F5: variants seen among roughly 807,000 people sequenced by gnomAD.
The protein encoded by F5 is activated protein c cofactor.
F5 carries 138 observed loss-of-function variants against 216.4 expected under a neutral mutation model. The observed-to-expected ratio is 0.64, with a 90% CI of 0.56 to 0.73. The LOEUF (loss-of-function observed/expected upper bound fraction) is 0.73. Ranked by LOEUF, F5 falls within the 30% of genes least tolerant of loss-of-function variation. The pLI, the probability that F5 is intolerant of heterozygous loss-of-function variation, is 0.00. For synonymous variants in F5, 916 were observed against 930.7 expected, an observed-to-expected ratio of 0.98 and a Z score of 0.29; for missense variants, 2,403 against 2,674.0, an observed-to-expected ratio of 0.90 and a Z score of 2.24.
chr1:169,523,704 C>T (rs1659363676), intron 20 of F5, 97 bp downstream of exon 20: 1 of 1,132,430 alleles, frequency 8.8e-7, no homozygotes, highest in Admixed American at 1.7e-5. Flanking sequence ...GCTATTTCCC[C>T]TAACAACATT....
At chr1:169,536,457 T>C in intron 14 of F5, 49 bp downstream of exon 14, 1 of 1,532,390 alleles carries the variant, frequency 6.5e-7, no homozygotes, top group Non-Finnish European at 9.0e-7. Flanking sequence ...AACCCTCTGG[T>C]GCTTGTGGAA....
chr1:169,518,684 C>A (rs1659218950), intron 22 of F5, 121 bp from the exon 23 acceptor site: 1 of 1,107,246 alleles, frequency 9.0e-7, no homozygotes, highest in Non-Finnish European at 1.3e-6. Flanking sequence ...ATAACCACAA[C>A]AATGAAGATT....
intron 19 of F5, 60 bp from the exon 20 acceptor site, chr1:169,523,964 A>C: frequency 3.6e-5 from 50 of 1,407,574 alleles, no homozygotes; most frequent in Non-Finnish European, 4.5e-5. Flanking sequence ...GCAATTTCTC[A>C]AGTGAGTTTA....
At chr1:169,579,164 C>A (rs1660933064) in intron 2 of F5, among the ~76,000 whole-genome samples, 1 of 151,994 alleles carries the variant, frequency 6.6e-6, no homozygotes, top group East Asian at 1.9e-4. Flanking sequence ...CAACACCCTG[C>A]CATCTGGTCT....
intron 19 of F5, 67 bp from the exon 20 acceptor site, chr1:169,523,971 T>C: frequency 1.5e-6 from 2 of 1,358,490 alleles, no homozygotes; most frequent in African/African-American, 1.4e-5. Context: ...CTCAAGTGAG[T>C]TTAATCCAGT....
intron 3 of F5, among the ~76,000 whole-genome samples, chr1:169,566,928 T>G (rs1378700376): frequency 1.3e-5 from 2 of 152,052 alleles, no homozygotes; most frequent in Non-Finnish European, 2.9e-5. Context: ...TTAAGTGTGC[T>G]TGAGTTCTGG....
intron 7 of F5, among the ~76,000 whole-genome samples, chr1:169,553,593 G>A (rs1032595970): frequency 3.3e-5 from 5 of 152,160 alleles, no homozygotes; most frequent in Non-Finnish European, 5.9e-5. Flanking sequence ...GTGTTGGCGG[G>A]CCCCTGTAGT....
At chr1:169,586,129 TAAA>T (rs372224504) in intron 1 of F5, 97 bp downstream of exon 1, 329 of 1,246,376 alleles carry the variant, frequency 2.6e-4, no homozygotes, top group Non-Finnish European at 3.2e-4. Flanking sequence ...TACCTGAAGT[TAAA>T]AAAAAAAAAA....
chr1:169,533,249 C>A (rs1366985661), intron 14 of F5, among the ~76,000 whole-genome samples: 1 of 152,092 alleles, frequency 6.6e-6, no homozygotes, highest in Non-Finnish European at 1.5e-5. Flanking sequence ...TCATCATATA[C>A]AAAAATTAAC....
intron 15 of F5, among the ~76,000 whole-genome samples, chr1:169,530,072 T>C (rs1163624126): frequency 6.6e-6 from 1 of 152,178 alleles, no homozygotes; most frequent in Non-Finnish European, 1.5e-5. Context: ...GGGATACTAT[T>C]TATTGAGAAT....
chr1:169,527,809 T>C, intron 17 of F5, 106 bp downstream of exon 17: 1 of 1,421,950 alleles, frequency 7.0e-7, no homozygotes, highest in Non-Finnish European at 9.7e-7. Flanking sequence ...CCCTGTGTTC[T>C]GACCCCTTAG....
At chr1:169,581,031 A>G (rs996271399) in intron 2 of F5, among the ~76,000 whole-genome samples, 1 of 152,178 alleles carries the variant, frequency 6.6e-6, no homozygotes, top group Non-Finnish European at 1.5e-5. Context: ...GGGGGTGTCA[A>G]TGTAGCTTCA....
chr1:169,582,729 G>C (rs1181291000), intron 1 of F5, among the ~76,000 whole-genome samples: 1 of 152,118 alleles, frequency 6.6e-6, no homozygotes, highest in Non-Finnish European at 1.5e-5. Context: ...ATCCTGTTGT[G>C]ATAACTATTT....
At chr1:169,529,991 T>G (rs1659554723) in intron 15 of F5, among the ~76,000 whole-genome samples, 173 bp from the exon 16 acceptor site, 1 of 152,156 alleles carries the variant, frequency 6.6e-6, no homozygotes, top group Non-Finnish European at 1.5e-5. Context: ...TCTGTTGTAT[T>G]CATAATCCTC....
At chr1:169,517,026 A>G (rs1021507371) in intron 23 of F5, among the ~76,000 whole-genome samples, 6 of 152,188 alleles carry the variant, frequency 3.9e-5, no homozygotes, top group African/African-American at 4.8e-5. Context: ...GAATTGGATA[A>G]CATCTCTTTA....
chr1:169,563,861 C>G (rs1416555345), intron 3 of F5, among the ~76,000 whole-genome samples: 2 of 148,660 alleles, frequency 1.3e-5, no homozygotes, highest in African/African-American at 4.9e-5. Context: ...TTCTCTCTTT[C>G]ACTTCTCAAT....
chr1:169,542,835 T>C lies in F5; in HGVS notation c.2255A>G (p.Asn752Ser). The change falls in exon 13 of 25, where the codon AAT (asparagine) becomes AGT (serine). Residue 752 changes from asparagine (N) to serine (S), a missense_variant. Physicochemically the swap from Asn to Ser is conservative, Grantham distance 46. Transcript: ENST00000367797. Reference sequence around the variant, plus strand: ...ATTCTCCAGAGCTAGGGCAGTAAGATTGAACTCTTCTTCTTCCTGATTCAA... The same window carrying C: ...ATTCTCCAGAGCTAGGGCAGTAAGACTGAACTCTTCTTCTTCCTGATTCAA... ...SSLNQEEEEF[N>S]LTALALENGT... The C allele has an allele frequency of 6.8e-6, 11 of 1,614,164 alleles. No individual in the cohort carries two copies. The highest frequency in any genetic ancestry group is 9.3e-6 in the Non-Finnish European group (11 of 1,180,002).
In F5 at chr1:169,552,737, T is replaced by A. The variant is rs759823164; in HGVS notation, c.1119-3A>T. 16 of 1,604,352 alleles carry A rather than the reference T, an allele frequency of 1.0e-5. No homozygotes were observed. Among genetic ancestry groups the A allele is most frequent in the Non-Finnish European group, 1.4e-5 (16 of 1,173,126 alleles). On this transcript the variant is annotated splice_region_variant and splice_polypyrimidine_tract_variant and intron_variant, in intron 7 of 24. Transcript: ENST00000367797. ...CCAAATGCTGAGACCTGTATTTTCT[T>A]AAAGTGAAGTAAAAAAAAATTAAAC... is the stretch of plus-strand genomic sequence containing the variant.
At chr1:169,571,096 C>T (rs2213870) in intron 3 of F5, among the ~76,000 whole-genome samples, 3 of 152,054 alleles carry the variant, frequency 2.0e-5, no homozygotes, top group Non-Finnish European at 1.5e-5. Context: ...TTAAAATGTT[C>T]TCATACCAAC....
Sources: allele counts gnomAD v4.1 joint callset (sites outside exome capture counted in the v4.1 genomes callset), GRCh38; gene constraint gnomAD v4.1.1; transcripts MANE v1.5; gene names NCBI Gene and HGNC (gene_info 2026-07-23, HGNC 2026-07-21).